SERPINB3: variants seen among roughly 807,000 people sequenced by gnomAD.
SERPINB3 encodes the protein serpin B3.
Under a neutral mutation model 33.0 loss-of-function variants are expected in SERPINB3, and 33 were observed. The observed-to-expected ratio is 1.00, with a 90% CI of 0.76 to 1.34. SERPINB3 has a LOEUF of 1.34. Ranked by LOEUF, SERPINB3 falls within the 40% of genes most tolerant of loss-of-function variation. The probability of loss-of-function intolerance (pLI) is 0.00; values close to 1 mark genes in which losing one functional copy is unlikely to be tolerated. For synonymous variants in SERPINB3, 200 were observed against 170.9 expected (o/e 1.17, Z -1.33); for missense variants, 518 against 461.5 (o/e 1.12, Z -1.12).
At chr18:63,656,156 C>A in intron 7 of SERPINB3, 95 bp from the exon 8 acceptor site, 1 of 1,427,984 alleles carries the variant, frequency 7.0e-7, no homozygotes, top group East Asian at 2.4e-5. Flanking sequence ...CTTATTTTGG[C>A]AACAAATGTG....
At chr18:63,660,769 T>C (rs1181067609) in intron 3 of SERPINB3, 31 bp downstream of exon 3, 2 of 1,612,988 alleles carry the variant, frequency 1.2e-6, no homozygotes, top group Admixed American at 1.7e-5. Flanking sequence ...TTCGGGGATC[T>C]AAAGCTGAAC....
At position 63,656,031 on chromosome 18, in the gene SERPINB3, T is replaced by G; in HGVS notation, c.799A>C (p.Met267Leu). The change falls in exon 8 of 8, where the codon ATG becomes CTG. Residue 267 changes from methionine (M) to leucine (L), a missense_variant. By Grantham distance (15) the Met-to-Leu change is conservative. Transcript: ENST00000283752. ...ATATTCTGCAAACTTGTCCATTCCA[T>G]CAATTTCTCAGCAGTGAGTTTCTCT... ...LEEKLTAEKLMEWTSLQNMRE... is the reference protein window; with the variant it reads ...LEEKLTAEKLLEWTSLQNMRE... 6.2e-7 allele frequency: 1 copy of G among 1,613,736 alleles called. No individual in the cohort carries two copies. Among genetic ancestry groups the G allele is most frequent in the Non-Finnish European group, 8.5e-7 (1 of 1,179,794 alleles).
rs551467154 is a variant in SERPINB3 at position 63,660,418 on chromosome 18, A to C, written c.222+382T>G. Among the ~76,000 whole-genome samples, 12 of 152,260 alleles carry C rather than the reference A, an allele frequency of 7.9e-5. No individual in the cohort carries two copies. In the East Asian group the frequency reaches 1.4e-3, roughly 17 times the overall value. ...ATTATGACATTTTATGGGCAAGGCA[A>C]TGTTGTAAACATTTGCATGTATTTG... On this transcript the variant is annotated intron_variant, in intron 3 of 7. Transcript: ENST00000283752.
rs1913467948 is a variant in SERPINB3 at position 63,655,513 on chromosome 18, C to A, written c.*144G>T. 1.2e-6 allele frequency: 1 copy of A among 867,492 alleles called. No homozygotes were observed. Among genetic ancestry groups the A allele is most frequent in the Non-Finnish European group, 1.8e-6 (1 of 564,036 alleles). The allele number at this position is 867,492 out of a possible 1,614,324, so 53.7% of individuals were successfully genotyped here. Reference sequence around the variant, plus strand: ...AGAGAGAAAGGCATGCTATTTTAATCATTAAATTCTTGATGATGACGATCA... The same window carrying A: ...AGAGAGAAAGGCATGCTATTTTAATAATTAAATTCTTGATGATGACGATCA... On this transcript the variant is annotated 3_prime_UTR_variant, in exon 8 of 8. Coordinates refer to ENST00000283752, the MANE Select transcript of SERPINB3 (RefSeq NM_006919.3).
At chr18:63,656,619 T>C (rs914218899) in intron 7 of SERPINB3, among the ~76,000 whole-genome samples, 2 of 152,248 alleles carry the variant, frequency 1.3e-5, no homozygotes, top group African/African-American at 2.4e-5. Context: ...CCAATGCATG[T>C]AACTCTAATA....
intron 5 of SERPINB3, among the ~76,000 whole-genome samples, chr18:63,657,666 C>G (rs1323467724): frequency 1.3e-5 from 2 of 152,004 alleles, no homozygotes; most frequent in Non-Finnish European, 2.9e-5. Flanking sequence ...AGTTCACGTT[C>G]TCTGTGTATG....
Position 63,656,957 on chromosome 18 carries a change from C to T in SERPINB3, c.642G>A (p.Arg214=). 1 of 1,612,640 alleles carries T rather than the reference C, an allele frequency of 6.2e-7. No individual in the cohort carries two copies. Among genetic ancestry groups the T allele is most frequent in the Non-Finnish European group, 8.5e-7 (1 of 1,179,080 alleles). The change falls in exon 7 of 8, where the codon AGG becomes AGA. Residue 214 remains arginine (R), a synonymous_variant. Transcript: ENST00000283752. ...KNTYKSIQMM[R]QYTSFHFASL... is the part of the protein sequence containing the mutation. ...AGGCAAAATGAAAAGATGTGTATTGCCTCATCATCTGTATGGACTTGTATG... is the reference window on the plus strand; with the variant it reads ...AGGCAAAATGAAAAGATGTGTATTGTCTCATCATCTGTATGGACTTGTATG...
At chr18:63,659,779 T>C (rs1913594416) in intron 3 of SERPINB3, among the ~76,000 whole-genome samples, 1 of 152,224 alleles carries the variant, frequency 6.6e-6, no homozygotes, top group Non-Finnish European at 1.5e-5. Flanking sequence ...TGCAGCACTG[T>C]CTACCACTGG....
chr18:63,657,776 T>TC (rs1913537288), intron 5 of SERPINB3, among the ~76,000 whole-genome samples: 1 of 151,586 alleles, frequency 6.6e-6, no homozygotes, highest in Non-Finnish European at 1.5e-5. Flanking sequence ...TCCTACTTTT[T>TC]TTTTTTTTTT....
At position 63,656,950 on chromosome 18, in the gene SERPINB3, T is replaced by G; in HGVS notation, c.649A>C (p.Thr217Pro). 2 of 1,613,090 alleles carry G rather than the reference T, an allele frequency of 1.2e-6. No individual in the cohort carries two copies. Among genetic ancestry groups the G allele is most frequent in the Non-Finnish European group, 1.7e-6 (2 of 1,179,350 alleles). The change falls in exon 7 of 8, where the codon ACA (threonine) becomes CCA (proline). Residue 217 changes from threonine (T) to proline (P), a missense_variant. Thr to Pro is a conservative substitution (Grantham distance 38). Transcript: ENST00000283752. ...TCCAGCGAGGCAAAATGAAAAGATG[T>G]GTATTGCCTCATCATCTGTATGGAC... Reference protein sequence around the residue: ...YKSIQMMRQYTSFHFASLEDV... With the variant: ...YKSIQMMRQYPSFHFASLEDV...
chr18:63,659,228 G>A, intron 4 of SERPINB3, 171 bp downstream of exon 4: 3 of 701,734 alleles, frequency 4.3e-6, no homozygotes, highest in Non-Finnish European at 7.5e-6. Context: ...TATTGTTAGG[G>A]TCTGGGACAC....
chr18:63,660,029 G>A lies in SERPINB3; in HGVS notation c.223-502C>T, dbSNP rs1913600978. On this transcript the variant is annotated intron_variant, in intron 3 of 7. Coordinates refer to ENST00000283752, the MANE Select transcript of SERPINB3 (RefSeq NM_006919.3). ...CATGATGGTCATTCTCTGCACGTAA[G>A]AAGAGTGTGTGCCAGGTACATGGCT... 2.0e-5 allele frequency among the ~76,000 whole-genome samples: 3 copies of A among 152,182 alleles called. No homozygotes were observed. The South Asian group carries it at 6.2e-4, about 32-fold the overall frequency.
chr18:63,655,366 A>G lies in SERPINB3; in HGVS notation c.*291T>C, dbSNP rs370580294. ...GGTTCATTTAAAACAGGTCACAAACAGAATTATATTTCAAATTTAGAAGAT... is the reference window on the plus strand; with the variant it reads ...GGTTCATTTAAAACAGGTCACAAACGGAATTATATTTCAAATTTAGAAGAT... On this transcript the variant is annotated 3_prime_UTR_variant, in exon 8 of 8. Transcript: ENST00000283752. 1.7e-4 allele frequency: 48 copies of G among 284,016 alleles called. No individual in the cohort carries two copies. Among genetic ancestry groups the G allele is most frequent in the Middle Eastern group, 1.0e-3 (1 of 968 alleles). 17.6% of individuals were successfully genotyped at this position (284,016 alleles called of 1,614,324 possible).
rs752710713 is a variant in SERPINB3, at chr18:63,655,936, C to T, written c.894G>A (p.Thr298=). 66 of 1,613,910 alleles carry T rather than the reference C, an allele frequency of 4.1e-5. No individual in the cohort carries two copies. The highest frequency in any genetic ancestry group is 5.1e-5 in the Non-Finnish European group (60 of 1,179,958). Residue 298 remains threonine (T), a synonymous_variant, in exon 8 of 8, where the codon ACG becomes ACA. Coordinates refer to ENST00000283752, the MANE Select transcript of SERPINB3 (RefSeq NM_006919.3). ...KVEESYDLKD[T]LRTMGMVDIF... is the part of the protein sequence containing the mutation. ...TATCCACCATTCCCATGGTTCTCAACGTGTCCTTGAGGTCATAGCTCTCTT... is the reference window on the plus strand; with the variant it reads ...TATCCACCATTCCCATGGTTCTCAATGTGTCCTTGAGGTCATAGCTCTCTT...
chr18:63,661,271 T>C, intron 1 of SERPINB3, 29 bp from the exon 2 acceptor site: 1 of 1,570,888 alleles, frequency 6.4e-7, no homozygotes, highest in East Asian at 2.2e-5. Context: ...CCTGTCAGAA[T>C]GACTTTAATA....
In SERPINB3 at chr18:63,656,183, C is replaced by G; in HGVS notation, c.769-122G>C. 3 of 1,184,394 alleles carry G rather than the reference C, an allele frequency of 2.5e-6. 1 individual carries two copies. The highest frequency in any genetic ancestry group is 5.1e-5 in the East Asian group (2 of 39,192). The allele number at this position is 1,184,394 out of a possible 1,614,324, so 73.4% of individuals were successfully genotyped here. ...ACAAATGTGAAATACAGAAGGTTCA[C>G]TTTATTAGATATTATTATTCTAATA... On this transcript the variant is annotated intron_variant, in intron 7 of 7. Transcript: ENST00000283752.
Position 63,657,366 on chromosome 18 carries a change from G to A in SERPINB3, c.516C>T (p.Thr172=), listed in dbSNP as rs138203021. 1.7e-5 allele frequency: 28 copies of A among 1,609,186 alleles called. No individual in the cohort carries two copies. In the Admixed American group the frequency reaches 1.8e-4, roughly 11 times the overall value. ...LIPEGNIGSN[T]TLVLVNAIYF... is the part of the protein sequence containing the mutation. ...AGATTGCGTTCACAAGAACCAATGTGGTATTGCTGCCAATATTACCTTCAG... is the reference window on the plus strand; with the variant it reads ...AGATTGCGTTCACAAGAACCAATGTAGTATTGCTGCCAATATTACCTTCAG... Residue 172 remains threonine (T), a synonymous_variant, in exon 6 of 8, where the codon ACC becomes ACT. Transcript: ENST00000283752.
Position 63,655,359 on chromosome 18 carries a change from C to A in SERPINB3, c.*298G>T. On this transcript the variant is annotated 3_prime_UTR_variant, in exon 8 of 8. Transcript: ENST00000283752. ...TTGGTTTGGTTCATTTAAAACAGGT[C>A]ACAAACAGAATTATATTTCAAATTT... is the stretch of plus-strand genomic sequence containing the variant. 1 of 268,074 alleles carries A rather than the reference C, an allele frequency of 3.7e-6. No homozygotes were observed. The allele number at this position is 268,074 out of a possible 1,614,324, so 16.6% of individuals were successfully genotyped here.
rs1030342323 is a variant in SERPINB3 at position 63,658,451 on chromosome 18, A to T, written c.469+62T>A. Reference sequence around the variant, plus strand: ...CACCCATGGTCCCCCATGCAGTTTCAGGCATAGGGCTCACTCGCATAGATT... The same window carrying T: ...CACCCATGGTCCCCCATGCAGTTTCTGGCATAGGGCTCACTCGCATAGATT... On this transcript the variant is annotated intron_variant, in intron 5 of 7. Transcript: ENST00000283752. 5 of 1,393,126 alleles carry T rather than the reference A, an allele frequency of 3.6e-6. No individual in the cohort carries two copies. The African/African-American group carries it at 7.1e-5, about 20-fold the overall frequency. The allele number at this position is 1,393,126 out of a possible 1,614,324, so 86.3% of individuals were successfully genotyped here. A position where few individuals can be genotyped will look rare whatever the true frequency, so the allele number is the denominator to read the frequency against.
Sources: allele counts gnomAD v4.1 joint callset (sites outside exome capture counted in the v4.1 genomes callset), GRCh38; gene constraint gnomAD v4.1.1; transcripts MANE v1.5; gene names NCBI Gene and HGNC (gene_info 2026-07-23, HGNC 2026-07-21).